Variants in BAALC observed in about 807,000 individuals in gnomAD.
BAALC encodes the protein brain and acute leukemia cytoplasmic protein.
In BAALC, 9 loss-of-function variants were observed where a neutral mutation model predicts 15.5. That is an observed-to-expected ratio of 0.58 (90% confidence interval 0.35 to 1.02). BAALC has a LOEUF of 1.02. BAALC is among the 50% of genes least tolerant of loss of function. The pLI, the probability that BAALC is intolerant of heterozygous loss-of-function variation, is 0.02. For synonymous variants in BAALC, 80 were observed against 74.6 expected (o/e 1.07, Z -0.37); for missense variants, 201 against 192.4 (o/e 1.04, Z -0.27).
intron 1 of BAALC, among the ~76,000 whole-genome samples, chr8:103,154,879 A>C (rs1342988201): frequency 2.0e-5 from 3 of 151,710 alleles, no homozygotes; most frequent in African/African-American, 7.3e-5. Context: ...AGAGAGCTCT[A>C]GTAACACCAC....
At chr8:103,192,980 C>T (rs1812006068) in intron 1 of BAALC, among the ~76,000 whole-genome samples, 1 of 152,202 alleles carries the variant, frequency 6.6e-6, no homozygotes, top group Non-Finnish European at 1.5e-5. Flanking sequence ...AGCCCTAGAG[C>T]AGAGTCTAGC....
At chr8:103,209,852 G>GT (rs1812413438) in intron 1 of BAALC, among the ~76,000 whole-genome samples, 1 of 152,212 alleles carries the variant, frequency 6.6e-6, no homozygotes, top group Admixed American at 6.5e-5. Context: ...CTTGCAATCA[G>GT]TTCTTATATG....
At chr8:103,204,977 C>G (rs1563653066) in intron 1 of BAALC, among the ~76,000 whole-genome samples, 2 of 152,152 alleles carry the variant, frequency 1.3e-5, no homozygotes, top group African/African-American at 4.8e-5. Flanking sequence ...ACCTGAGAGC[C>G]CAGACAGTGT....
At chr8:103,157,359 C>G (rs1323675267) in intron 1 of BAALC, among the ~76,000 whole-genome samples, 1 of 152,114 alleles carries the variant, frequency 6.6e-6, no homozygotes, top group Non-Finnish European at 1.5e-5. Context: ...TAAACCCCCA[C>G]GTATCCATCA....
intron 1 of BAALC, among the ~76,000 whole-genome samples, chr8:103,155,259 T>C (rs1811066968): frequency 6.6e-6 from 1 of 152,218 alleles, no homozygotes. Context: ...TACTTCAAAC[T>C]AATATATAAC....
intron 1 of BAALC, among the ~76,000 whole-genome samples, chr8:103,189,899 C>G (rs1173189444): frequency 6.6e-6 from 1 of 152,124 alleles, no homozygotes; most frequent in Non-Finnish European, 1.5e-5. Context: ...TTAGGATGTG[C>G]TAGACAGTGG....
intron 1 of BAALC, among the ~76,000 whole-genome samples, chr8:103,207,398 G>T (rs1336272262): frequency 6.6e-6 from 1 of 152,192 alleles, no homozygotes; most frequent in Non-Finnish European, 1.5e-5. Flanking sequence ...TTTTAGAGAA[G>T]TGACAAGACA....
intron 2 of BAALC, among the ~76,000 whole-genome samples, chr8:103,226,737 A>G (rs1342230121): frequency 6.6e-6 from 1 of 152,194 alleles, no homozygotes; most frequent in East Asian, 1.9e-4. Flanking sequence ...TTAGAAGTAG[A>G]TAGTCTATCC....
At chr8:103,147,124 A>G (rs972543826) in intron 1 of BAALC, among the ~76,000 whole-genome samples, 1 of 152,260 alleles carries the variant, frequency 6.6e-6, no homozygotes, top group Non-Finnish European at 1.5e-5. Context: ...TTAGTCTGTC[A>G]TTCTTATAAC....
At chr8:103,164,316 C>G (rs1811295164) in intron 1 of BAALC, among the ~76,000 whole-genome samples, 1 of 152,130 alleles carries the variant, frequency 6.6e-6, no homozygotes, top group Admixed American at 6.5e-5. Context: ...AGGAGGTAGA[C>G]TATTTAGGAC....
chr8:103,198,198 T>G (rs1264538317), intron 1 of BAALC: 8 of 695,570 alleles, frequency 1.2e-5, no homozygotes, highest in Non-Finnish European at 2.1e-5. Context: ...AAATAGGCAT[T>G]GCAATGTATT....
At chr8:103,188,463 G>A (rs1225622504) in intron 1 of BAALC, among the ~76,000 whole-genome samples, 1 of 152,176 alleles carries the variant, frequency 6.6e-6, no homozygotes, top group Non-Finnish European at 1.5e-5. Context: ...GGCTGCACAT[G>A]GCTTAGAAGT....
chr8:103,198,081 A>G (rs1349786073), intron 1 of BAALC: 2 of 694,910 alleles, frequency 2.9e-6, no homozygotes, highest in Non-Finnish European at 5.2e-6. Flanking sequence ...ATTTTTTTCC[A>G]TCTACATGTA....
At chr8:103,215,915 T>G (rs1198225981) in intron 2 of BAALC, among the ~76,000 whole-genome samples, 2 of 152,230 alleles carry the variant, frequency 1.3e-5, no homozygotes, top group East Asian at 3.8e-4. Context: ...ATCATGCAGA[T>G]GAAGACATAG....
intron 1 of BAALC, among the ~76,000 whole-genome samples, chr8:103,185,011 C>G (rs10113161): frequency 6.6e-6 from 1 of 152,024 alleles, no homozygotes; most frequent in African/African-American, 2.4e-5. Context: ...GGCAGTGGAG[C>G]GGTGTTCTTG....
intron 1 of BAALC, among the ~76,000 whole-genome samples, chr8:103,201,341 G>C (rs1188608470): frequency 2.0e-5 from 3 of 152,054 alleles, no homozygotes; most frequent in Non-Finnish European, 4.4e-5. Flanking sequence ...TTGTTCCCAG[G>C]CACCTGTTGG....
At position 103,151,179 on chromosome 8, in the gene BAALC, G is replaced by A. The variant is rs866966293; in HGVS notation, c.160+10122G>A. 3.2e-4 allele frequency among the ~76,000 whole-genome samples: 49 copies of A among 151,864 alleles called. 1 individual carries two copies. The highest frequency in any genetic ancestry group is 4.2e-4 in the South Asian group (2 of 4,814). ...ACTTCAGGCACCTGCCACCACGCCC[G>A]GCTAATTTTTTGTATTTTTAGTAGA... On this transcript the variant is annotated intron_variant, in intron 1 of 2. Coordinates refer to ENST00000309982, the MANE Select transcript of BAALC (RefSeq NM_024812.3).
rs11782552 is a variant in BAALC at position 103,217,278 on chromosome 8, C to G, written c.327+4193C>G. Among the ~76,000 whole-genome samples the G allele has an allele frequency of 3.7e-3, 560 of 152,316 alleles. 2 individuals carry two copies. The highest frequency in any genetic ancestry group is 5.8e-3 in the Non-Finnish European group (396 of 68,030). On this transcript the variant is annotated intron_variant, in intron 2 of 2. Transcript: ENST00000309982. ...GCGACCTCACCAGTCACTGGCCATT[C>G]TGAGTCCCTCAAAGGCCAACGCAAA...
At chr8:103,220,720 C>G (rs1300208978) in intron 2 of BAALC, among the ~76,000 whole-genome samples, 3 of 152,084 alleles carry the variant, frequency 2.0e-5, no homozygotes. Flanking sequence ...CTAGAAAATC[C>G]CTGCAACATT....
Sources: gnomAD v4.1 joint callset for allele counts (sites outside exome capture counted in the v4.1 genomes callset) on GRCh38, gnomAD v4.1.1 for gene constraint, MANE v1.5 for transcripts, NCBI Gene and HGNC (gene_info 2026-07-23, HGNC 2026-07-21) for gene names.